The following BRIX1 variants were observed in gnomAD, a reference collection of about 807,000 sequenced individuals.
BRIX1 encodes the protein biogenesis of ribosomes BRX1.
A neutral mutation model predicts 44.0 loss-of-function variants in BRIX1; 15 were observed. The observed-to-expected ratio is 0.34, with a 90% CI of 0.23 to 0.53. The LOEUF is 0.53. Among genes scored for constraint, BRIX1 ranks in the 20% least tolerant of loss-of-function variants. The pLI, the probability that BRIX1 is intolerant of heterozygous loss-of-function variation, is 0.95. For synonymous variants in BRIX1, 149 were observed against 135.4 expected, an observed-to-expected ratio of 1.10 and a Z score of -0.70; for missense variants, 420 against 432.8, an observed-to-expected ratio of 0.97 and a Z score of 0.26.
At chr5:34,920,537 A>C (rs973335900) in intron 3 of BRIX1, 3 of 152,204 alleles carry the variant, frequency 2.0e-5, no homozygotes, top group Admixed American at 1.3e-4. Flanking sequence ...TCAACAGAGC[A>C]ATGTCCCTGT....
At chr5:34,923,471 T>C in intron 8 of BRIX1, 1 of 473,944 alleles carries the variant, frequency 2.1e-6, no homozygotes, top group East Asian at 3.7e-5. Context: ...AGAGACGGGG[T>C]TTCGCCATGT....
intron 2 of BRIX1, chr5:34,919,071 T>G (rs1764181575): frequency 6.7e-6 from 1 of 148,160 alleles, no homozygotes; most frequent in Admixed American, 6.8e-5. Flanking sequence ...GGCAACATGG[T>G]GAAACCCTGT....
At chr5:34,923,379 A>G in intron 8 of BRIX1, 145 bp downstream of exon 8, 7 of 637,960 alleles carry the variant, frequency 1.1e-5, no homozygotes, top group Non-Finnish European at 1.9e-5. Context: ...TCCCGGGTTC[A>G]AGCTTCTGCT....
At chr5:34,918,636 G>A (rs774633187) in intron 2 of BRIX1, 161 bp downstream of exon 2, 3 of 479,090 alleles carry the variant, frequency 6.3e-6, no homozygotes, top group Non-Finnish European at 7.5e-6. Flanking sequence ...TTAACATTTC[G>A]TAAGAAATTC....
intron 8 of BRIX1, 193 bp downstream of exon 8, chr5:34,923,427 A>G: frequency 1.7e-6 from 1 of 580,200 alleles, no homozygotes; most frequent in Non-Finnish European, 3.1e-6. Flanking sequence ...ACAAGCACCC[A>G]TCATCACGCC....
chr5:34,924,799 G>T, intron 8 of BRIX1, 48 bp from the exon 9 acceptor site: 2 of 1,348,358 alleles, frequency 1.5e-6, no homozygotes, highest in South Asian at 1.2e-5. Context: ...TATACCTTTT[G>T]GGAATAACGT....
At chr5:34,916,193 T>G (rs1764083557) in intron 1 of BRIX1, 1 of 258,042 alleles carries the variant, frequency 3.9e-6, no homozygotes. Context: ...TTGTTTTTTT[T>G]TTTTAATGTT....
At chr5:34,921,135 C>T (rs1048272018) in intron 3 of BRIX1, 1 of 152,206 alleles carries the variant, frequency 6.6e-6, no homozygotes, top group Non-Finnish European at 1.5e-5. Context: ...GCCACCTCAT[C>T]CAGCCATAAG....
intron 1 of BRIX1, among the ~76,000 whole-genome samples, chr5:34,917,739 A>C (rs1447807565): frequency 6.6e-6 from 1 of 152,164 alleles, no homozygotes; most frequent in East Asian, 1.9e-4. Flanking sequence ...GGAGTTTTGC[A>C]GTTAATATAA....
chr5:34,925,107 A>G, intron 9 of BRIX1, 119 bp from the exon 10 acceptor site: 1 of 1,441,128 alleles, frequency 6.9e-7, no homozygotes, highest in East Asian at 2.5e-5. Flanking sequence ...CTTGGAAATT[A>G]CTCCCTTTTT....
intron 3 of BRIX1, 179 bp from the exon 4 acceptor site, chr5:34,922,038 A>T (rs1033668692): frequency 5.3e-6 from 2 of 376,358 alleles, no homozygotes; most frequent in Non-Finnish European, 9.5e-6. Flanking sequence ...TACCTTGGGT[A>T]GAATACCTAA....
intron 8 of BRIX1, among the ~76,000 whole-genome samples, chr5:34,924,132 CTCAT>C (rs1764299592): frequency 6.6e-6 from 1 of 152,160 alleles, no homozygotes; most frequent in South Asian, 2.1e-4. Flanking sequence ...CACACAGTGA[CTCAT>C]TCAGGAGAAA....
intron 4 of BRIX1, 113 bp from the exon 5 acceptor site, chr5:34,922,426 T>G: frequency 3.3e-6 from 3 of 913,282 alleles, no homozygotes; most frequent in Non-Finnish European, 5.1e-6. Flanking sequence ...ACTTGATACC[T>G]TTAAAGAAAA....
In BRIX1 at chr5:34,924,973, A is replaced by G. The variant is rs1764339415; in HGVS notation, c.790A>G (p.Met264Val). The G allele has an allele frequency of 6.2e-7, 1 of 1,612,860 alleles. No individual in the cohort carries two copies. Among genetic ancestry groups the G allele is most frequent in the Non-Finnish European group, 8.5e-7 (1 of 1,179,632 alleles). Residue 264 changes from methionine (M) to valine (V), a missense_variant and splice_region_variant, in exon 9 of 10, where the codon ATG becomes GTG. Transcript: ENST00000336767. The part of the protein sequence containing the change: ...YENPHYQSPN[M>V]HRRVIRSITA... ...AAATCCTCACTACCAGTCACCAAAC[A>G]TGGTAAGCGGTTGTGTCATTCAGTA...
chr5:34,916,666 G>T (rs1764102278), intron 1 of BRIX1: 1 of 152,176 alleles, frequency 6.6e-6, no homozygotes, highest in African/African-American at 2.4e-5. Context: ...TGTGAACAAG[G>T]ATTATCTTTG....
intron 1 of BRIX1, among the ~76,000 whole-genome samples, chr5:34,917,405 G>T (rs894553726): frequency 6.6e-6 from 1 of 151,888 alleles, no homozygotes; most frequent in African/African-American, 2.4e-5. Flanking sequence ...AGGCCGAGGC[G>T]GGTGGATCAC....
chr5:34,922,481 T>A, intron 4 of BRIX1, 58 bp from the exon 5 acceptor site: 1 of 1,044,462 alleles, frequency 9.6e-7, no homozygotes, highest in East Asian at 2.4e-5. Flanking sequence ...GGTGAATAGG[T>A]GGTAAGCATT....
intron 9 of BRIX1, 50 bp downstream of exon 9, chr5:34,925,025 C>G: frequency 6.4e-7 from 1 of 1,571,410 alleles, no homozygotes. Flanking sequence ...AACCCTTTGG[C>G]CAAAATGATT....
rs1764254939 is a variant in BRIX1, at chr5:34,922,219, T to G, written c.318T>G (p.Val106=). ...RKDKLFVINE[V]CEMKNCNKCI... is the part of the protein sequence containing the mutation. ...TTCCTATACTTTGCTTCCTTTAGGT[T>G]TGTGAAATGAAGAACTGTAATAAAT... Residue 106 remains valine (V), a splice_region_variant and synonymous_variant, in exon 4 of 10, where the codon GTT becomes GTG. Coordinates refer to ENST00000336767, the MANE Select transcript of BRIX1 (RefSeq NM_018321.4). 3 of 1,566,696 alleles carry G rather than the reference T, an allele frequency of 1.9e-6. No homozygotes were observed. The highest frequency in any genetic ancestry group is 2.6e-6 in the Non-Finnish European group (3 of 1,143,060).
Sources: allele counts gnomAD v4.1 joint callset (sites outside exome capture counted in the v4.1 genomes callset), GRCh38; gene constraint gnomAD v4.1.1; transcripts MANE v1.5; gene names NCBI Gene and HGNC (gene_info 2026-07-23, HGNC 2026-07-21).